The following LRP1B variants were observed in gnomAD, a reference collection of about 807,000 sequenced individuals.
LRP1B encodes LDL receptor related protein 1B.
In LRP1B, 217 loss-of-function variants were observed where a neutral mutation model predicts 556.6. The ratio of observed to expected loss-of-function variants is 0.39; its 90% CI spans 0.35 to 0.44. The LOEUF is 0.44. Ranked by LOEUF, LRP1B falls within the 20% of genes least tolerant of loss-of-function variation. The pLI is 1.00. For missense variants in LRP1B, 5,053 were observed against 5,620.8 expected (o/e 0.90, Z 3.23); for synonymous variants, 2,047 against 1,865.8 (o/e 1.10, Z -2.50).
intron 5 of LRP1B, among the ~76,000 whole-genome samples, chr2:141,240,316 A>G (rs1683816060): frequency 6.6e-6 from 1 of 152,026 alleles, no homozygotes; most frequent in African/African-American, 2.4e-5. Flanking sequence ...TGTTGATTGC[A>G]ATTGATACAG....
intron 1 of LRP1B, among the ~76,000 whole-genome samples, chr2:142,127,214 C>T (rs72996350): frequency 0.026 from 3,877 of 152,026 alleles, 171 homozygotes; most frequent in African/African-American, 0.088. Flanking sequence ...TTCAGATTCA[C>T]ACTGGTGGCA....
chr2:140,515,056 GTTA>G (rs1315779263), intron 50 of LRP1B, among the ~76,000 whole-genome samples: 1 of 151,894 alleles, frequency 6.6e-6, no homozygotes, highest in East Asian at 1.9e-4. Context: ...ATATTTGTCT[GTTA>G]TTATTATTTT....
At chr2:141,405,893 A>G (rs1007830333) in intron 3 of LRP1B, among the ~76,000 whole-genome samples, 1 of 152,104 alleles carries the variant, frequency 6.6e-6, no homozygotes, top group Non-Finnish European at 1.5e-5. Flanking sequence ...TGTTAATATT[A>G]GTTTTTATAA....
intron 15 of LRP1B, among the ~76,000 whole-genome samples, chr2:141,002,724 T>A (rs1697461745): frequency 6.6e-6 from 1 of 152,040 alleles, no homozygotes; most frequent in African/African-American, 2.4e-5. Flanking sequence ...ATATATTCCA[T>A]CTATCCTACA....
intron 58 of LRP1B, 128 bp from the exon 59 acceptor site, chr2:140,485,652 A>G (rs1688435363): frequency 1.6e-6 from 1 of 636,802 alleles, no homozygotes; most frequent in African/African-American, 1.9e-5. Flanking sequence ...AGATAAGAAG[A>G]GAATAATTGA....
chr2:140,635,274 C>T (rs550900), intron 41 of LRP1B, among the ~76,000 whole-genome samples: 15,228 of 151,778 alleles, frequency 0.1, 986 homozygotes, highest in East Asian at 0.18. Flanking sequence ...AAGCTTTTAG[C>T]AGAATGCATG....
intron 2 of LRP1B, among the ~76,000 whole-genome samples, chr2:141,581,458 G>A (rs1163166208): frequency 6.6e-6 from 1 of 152,022 alleles, no homozygotes; most frequent in African/African-American, 2.4e-5. Context: ...GGATGGGAGG[G>A]TAAAATCTTT....
At chr2:140,465,270 C>T (rs1018683361) in intron 60 of LRP1B, among the ~76,000 whole-genome samples, 4 of 152,068 alleles carry the variant, frequency 2.6e-5, no homozygotes, top group African/African-American at 9.7e-5. Flanking sequence ...CCATGACCCA[C>T]CACCTCCCAC....
intron 41 of LRP1B, among the ~76,000 whole-genome samples, chr2:140,610,129 C>T (rs1683017200): frequency 1.3e-5 from 2 of 151,894 alleles, no homozygotes; most frequent in Non-Finnish European, 2.9e-5. Context: ...TCCTCTTCAC[C>T]TACTTCATTT....
chr2:140,692,891 T>C (rs1009779756), intron 41 of LRP1B, among the ~76,000 whole-genome samples: 5 of 152,188 alleles, frequency 3.3e-5, no homozygotes, highest in African/African-American at 1.2e-4. Context: ...TTCTGTATTC[T>C]TTGATATTAA....
At chr2:140,306,612 A>G (rs1356063371) in intron 83 of LRP1B, among the ~76,000 whole-genome samples, 1 of 138,452 alleles carries the variant, frequency 7.2e-6, no homozygotes, top group Non-Finnish European at 1.6e-5. Context: ...CAGCTCCTGG[A>G]TTCATTGATT....
At chr2:141,379,387 T>G (rs746017882) in intron 3 of LRP1B, among the ~76,000 whole-genome samples, 2 of 152,148 alleles carry the variant, frequency 1.3e-5, no homozygotes, top group Non-Finnish European at 2.9e-5. Flanking sequence ...GAGAGAGTGA[T>G]GCCAATCATG....
intron 84 of LRP1B, among the ~76,000 whole-genome samples, chr2:140,275,936 T>C (rs1483446962): frequency 6.6e-6 from 1 of 152,008 alleles, no homozygotes; most frequent in Non-Finnish European, 1.5e-5. Flanking sequence ...ATTCTGCTTC[T>C]GTCTTTTGAA....
chr2:140,479,547 ATAT>A (rs1480983433), intron 59 of LRP1B, among the ~76,000 whole-genome samples: 1 of 152,160 alleles, frequency 6.6e-6, no homozygotes, highest in Admixed American at 6.5e-5. Flanking sequence ...TTATAGTTGA[ATAT>A]TATACATTGT....
chr2:142,074,763 T>C (rs925827639), intron 1 of LRP1B, among the ~76,000 whole-genome samples: 1 of 152,076 alleles, frequency 6.6e-6, no homozygotes, highest in Non-Finnish European at 1.5e-5. Context: ...CAAACAATGT[T>C]AATTCTACTT....
intron 1 of LRP1B, among the ~76,000 whole-genome samples, chr2:141,847,475 T>C (rs1697692798): frequency 1.3e-5 from 2 of 151,632 alleles, no homozygotes; most frequent in Non-Finnish European, 3.0e-5. Context: ...CAGCTAGGTC[T>C]ATAATTGGCT....
rs1197756487 is a variant in LRP1B at position 140,335,673 on chromosome 2, T to C, written c.12058A>G (p.Arg4020Gly). The change falls in exon 78 of 91, where the codon AGA becomes GGA. Residue 4020 changes from arginine to glycine, a missense_variant. Arg to Gly is a moderately radical substitution (Grantham distance 125). Around this residue, in one of 5 missense-constraint regions of LRP1B, gnomAD observed 599 missense variants for 648.4 expected, o/e 0.92. Coordinates refer to ENST00000389484, the MANE Select transcript of LRP1B (RefSeq NM_018557.3). ...TCTCCAGCCATATTTGTTAAGAGTC[T>C]GGTGCAGTTGGGGCCATTCAGCTGC... ...VGQLNGPNCT[R>G]LLTNMAGEPY... 1 of 1,612,772 alleles carries C rather than the reference T, an allele frequency of 6.2e-7. No individual in the cohort carries two copies. The highest frequency in any genetic ancestry group is 8.5e-7 in the Non-Finnish European group (1 of 1,179,212).
At chr2:140,467,585 C>T (rs1467369721) in intron 60 of LRP1B, among the ~76,000 whole-genome samples, 1 of 146,416 alleles carries the variant, frequency 6.8e-6, no homozygotes, top group Admixed American at 7.0e-5. Context: ...TGCACTCCTG[C>T]CTGGGGGACA....
At chr2:141,147,699 A>G (rs1456591926) in intron 7 of LRP1B, among the ~76,000 whole-genome samples, 2 of 152,198 alleles carry the variant, frequency 1.3e-5, no homozygotes, top group African/African-American at 4.8e-5. Flanking sequence ...ATAGCCTGCT[A>G]TTAGAAAAGG....
Sources: gnomAD v4.1 joint callset for allele counts (sites outside exome capture counted in the v4.1 genomes callset) on GRCh38, gnomAD v4.1.1 for gene constraint, gnomAD v4.1.1 regional missense constraint, MANE v1.5 for transcripts, NCBI Gene and HGNC (gene_info 2026-07-23, HGNC 2026-07-21) for gene names.